The following DNAAF11 variants were observed in gnomAD, a reference collection of about 807,000 sequenced individuals.
DNAAF11 encodes leucine rich repeat containing 6.
In DNAAF11, 45 loss-of-function variants were observed where a neutral mutation model predicts 60.8. The observed-to-expected ratio is 0.74, with a 90% CI of 0.58 to 0.95. The LOEUF is 0.95. DNAAF11 is among the 40% of genes least tolerant of loss of function. The pLI, the probability that DNAAF11 is intolerant of heterozygous loss-of-function variation, is 0.00. For missense variants in DNAAF11, 546 were observed against 546.2 expected, an observed-to-expected ratio of 1.00 and a Z score of 0.00; for synonymous variants, 191 against 183.5, an observed-to-expected ratio of 1.04 and a Z score of -0.33.
intron 10 of DNAAF11, among the ~76,000 whole-genome samples, chr8:132,586,815 C>G (rs1039360557): frequency 7.9e-5 from 12 of 152,252 alleles, no homozygotes; most frequent in Non-Finnish European, 1.8e-4. Context: ...CTCCCTTTCC[C>G]CTCTCTTGGC....
intron 10 of DNAAF11, among the ~76,000 whole-genome samples, chr8:132,608,240 G>T (rs990206039): frequency 1.3e-5 from 2 of 151,934 alleles, no homozygotes; most frequent in Non-Finnish European, 2.9e-5. Flanking sequence ...GATAGAAAAC[G>T]AAGAACTTAT....
At chr8:132,668,388 T>C (rs1222962004) in intron 1 of DNAAF11, among the ~76,000 whole-genome samples, 2 of 152,184 alleles carry the variant, frequency 1.3e-5, no homozygotes, top group South Asian at 2.1e-4. Flanking sequence ...CAGGAGACAG[T>C]GATCGGTGCT....
intron 10 of DNAAF11, among the ~76,000 whole-genome samples, chr8:132,596,249 G>A (rs1159000264): frequency 2.0e-5 from 3 of 152,112 alleles, no homozygotes; most frequent in Non-Finnish European, 4.4e-5. Flanking sequence ...ATATTATGAG[G>A]AAAATTTTTA....
intron 10 of DNAAF11, among the ~76,000 whole-genome samples, chr8:132,587,718 G>C (rs1362055733): frequency 2.6e-5 from 4 of 152,156 alleles, no homozygotes; most frequent in Admixed American, 2.6e-4. Context: ...TCCACAGAGA[G>C]AAATGTAATC....
intron 1 of DNAAF11, among the ~76,000 whole-genome samples, chr8:132,663,102 A>T (rs1054682770): frequency 1.3e-5 from 2 of 152,192 alleles, no homozygotes; most frequent in African/African-American, 4.8e-5. Flanking sequence ...ACTAACAGGC[A>T]GAGATGGTCA....
At chr8:132,697,108 T>A in the DNAAF11 span, among the ~76,000 whole-genome samples, 1 of 152,176 alleles carries the variant, frequency 6.6e-6, no homozygotes, top group African/African-American at 2.4e-5. Flanking sequence ...ACATGAAATG[T>A]CCAGAATAGG....
rs148722738 is a variant in DNAAF11, at chr8:132,644,911, G to A, written c.257-6804C>T. Among the ~76,000 whole-genome samples the A allele has an allele frequency of 8.1e-4, 123 of 152,360 alleles. 4 individuals carry two copies. The highest frequency in any genetic ancestry group is 2.9e-3 in the African/African-American group (122 of 41,592). ...TGTAGACTCCACCTCTGGGGGCAGGGCATAGTTGAACAAAAGACAGGAGAA... is the reference window on the plus strand; with the variant it reads ...TGTAGACTCCACCTCTGGGGGCAGGACATAGTTGAACAAAAGACAGGAGAA... On this transcript the variant is annotated intron_variant, in intron 3 of 11. Coordinates refer to ENST00000620350, the MANE Select transcript of DNAAF11 (RefSeq NM_012472.6).
chr8:132,673,313 G>A (rs566316705), intron 1 of DNAAF11, among the ~76,000 whole-genome samples: 3 of 152,190 alleles, frequency 2.0e-5, no homozygotes, highest in Admixed American at 6.5e-5. Flanking sequence ...AGGCTGCTGG[G>A]AAGATCAAAC....
At chr8:132,607,145 G>A (rs1449696711) in intron 10 of DNAAF11, among the ~76,000 whole-genome samples, 3 of 152,148 alleles carry the variant, frequency 2.0e-5, no homozygotes, top group African/African-American at 4.8e-5. Context: ...AGTGCTCTAT[G>A]CAGGTGTACC....
chr8:132,645,163 T>C (rs1053323507), intron 3 of DNAAF11, among the ~76,000 whole-genome samples: 3 of 152,174 alleles, frequency 2.0e-5, no homozygotes, highest in Non-Finnish European at 4.4e-5. Context: ...GCAGCAACAT[T>C]TGCTGTTCTG....
intron 1 of DNAAF11, among the ~76,000 whole-genome samples, chr8:132,663,677 G>T (rs994152160): frequency 6.6e-6 from 1 of 152,114 alleles, no homozygotes; most frequent in Admixed American, 6.5e-5. Context: ...GGGGCCAGGA[G>T]GACGTGCCCA....
chr8:132,644,673 C>A (rs1822191298), intron 3 of DNAAF11, among the ~76,000 whole-genome samples: 1 of 152,188 alleles, frequency 6.6e-6, no homozygotes, highest in South Asian at 2.1e-4. Context: ...AAACAGCACA[C>A]CAGGAGATTA....
chr8:132,596,602 C>G (rs1342383989), intron 10 of DNAAF11, among the ~76,000 whole-genome samples: 1 of 152,084 alleles, frequency 6.6e-6, no homozygotes, highest in Non-Finnish European at 1.5e-5. Context: ...TGAATTCAAC[C>G]CTTCTGTCTG....
chr8:132,674,233 A>G (rs1273917407), intron 1 of DNAAF11, among the ~76,000 whole-genome samples: 1 of 151,996 alleles, frequency 6.6e-6, no homozygotes, highest in Non-Finnish European at 1.5e-5. Context: ...AAGGAGAAGA[A>G]GAAAAAAACC....
intron 3 of DNAAF11, among the ~76,000 whole-genome samples, chr8:132,656,501 C>T (rs565319121): frequency 1.7e-4 from 26 of 152,208 alleles, no homozygotes; most frequent in African/African-American, 5.5e-4. Context: ...GACGGAGTTT[C>T]GCTGTTGTTG....
chr8:132,599,219 A>C (rs1417188012), intron 10 of DNAAF11, among the ~76,000 whole-genome samples: 1 of 152,174 alleles, frequency 6.6e-6, no homozygotes, highest in South Asian at 2.1e-4. Flanking sequence ...CCAAGACTAA[A>C]CCAGGAAGAA....
At chr8:132,590,791 C>A (rs910498674) in intron 10 of DNAAF11, among the ~76,000 whole-genome samples, 2 of 152,306 alleles carry the variant, frequency 1.3e-5, no homozygotes, top group East Asian at 1.9e-4. Context: ...TTAACTTATA[C>A]AACCCACATT....
intron 3 of DNAAF11, among the ~76,000 whole-genome samples, chr8:132,647,674 AG>A (rs1822540270): frequency 6.6e-6 from 1 of 152,192 alleles, no homozygotes; most frequent in African/African-American, 2.4e-5. Flanking sequence ...AAAATGATAA[AG>A]GGGATATCAC....
rs749657515 is a variant in DNAAF11, at chr8:132,661,665, C to T, written c.11-38G>A. 20 of 1,580,466 alleles carry T rather than the reference C, an allele frequency of 1.3e-5. No homozygotes were observed. The South Asian group carries it at 2.2e-4, about 17-fold the overall frequency. ...GTGTTACATATTACATTTCTGTCCC[C>T]ATTGTTCAATATAAGATTATTGTGT... On this transcript the variant is annotated intron_variant, in intron 1 of 11. Coordinates refer to ENST00000620350, the MANE Select transcript of DNAAF11 (RefSeq NM_012472.6).
Sources: gnomAD v4.1 joint callset for allele counts (sites outside exome capture counted in the v4.1 genomes callset) on GRCh38, gnomAD v4.1.1 for gene constraint, MANE v1.5 for transcripts, NCBI Gene and HGNC (gene_info 2026-07-23, HGNC 2026-07-21) for gene names.